Variants in PRPF19 observed in about 807,000 individuals in gnomAD.
PRPF19 encodes the protein pre-mRNA processing factor 19.
In PRPF19, 2 loss-of-function variants were observed where a neutral mutation model predicts 64.2. The ratio of observed to expected loss-of-function variants is 0.03; its 90% confidence interval spans 0.01 to 0.10. The LOEUF (loss-of-function observed/expected upper bound fraction) is 0.10. Among genes scored for constraint, PRPF19 ranks in the 10% least tolerant of loss-of-function variants. The probability of loss-of-function intolerance (pLI) is 1.00; values close to 1 mark genes in which losing one functional copy is unlikely to be tolerated. For missense variants in PRPF19, 314 were observed against 650.0 expected, an observed-to-expected ratio of 0.48 and a Z score of 5.62; for synonymous variants, 226 against 251.6, an observed-to-expected ratio of 0.90 and a Z score of 0.96.
chr11:60,894,962 A>C (rs113622615), intron 15 of PRPF19, among the ~76,000 whole-genome samples: 1 of 152,236 alleles, frequency 6.6e-6, no homozygotes, highest in Admixed American at 6.5e-5. Context: ...ACCATGCTGT[A>C]AACAGATGTG....
chr11:60,906,408 C>T lies in PRPF19; in HGVS notation c.-26G>A. ...GGCGCCGTCACCGTGCTCCGAGGCG[C>T]CACACGCCGGGCTCCGGGACTAGCT... On this transcript the variant is annotated 5_prime_UTR_variant, in exon 1 of 16. Coordinates refer to ENST00000227524, the MANE Select transcript of PRPF19 (RefSeq NM_014502.5). The T allele has an allele frequency of 1.3e-6, 2 of 1,562,108 alleles. No individual in the cohort carries two copies. Among genetic ancestry groups the T allele is most frequent in the Non-Finnish European group, 8.6e-7 (1 of 1,156,424 alleles).
At position 60,900,695 on chromosome 11, in the gene PRPF19, G is replaced by C; in HGVS notation, c.719-4C>G. On this transcript the variant is annotated splice_polypyrimidine_tract_variant and splice_region_variant and intron_variant, in intron 9 of 15. Coordinates refer to ENST00000227524, the MANE Select transcript of PRPF19 (RefSeq NM_014502.5). Reference sequence around the variant, plus strand: ...ACGACATTTTTATCCGCCCCACCTGGAGAAGACCCAAAAAGACCAAACAAT... The same window carrying C: ...ACGACATTTTTATCCGCCCCACCTGCAGAAGACCCAAAAAGACCAAACAAT... The C allele has an allele frequency of 2.6e-6, 4 of 1,559,666 alleles. No individual in the cohort carries two copies. The highest frequency in any genetic ancestry group is 1.2e-5 in the South Asian group (1 of 84,938).
At chr11:60,895,389 ACTTTT>A (rs1398694974) in intron 15 of PRPF19, among the ~76,000 whole-genome samples, 1 of 152,184 alleles carries the variant, frequency 6.6e-6, no homozygotes, top group Admixed American at 6.5e-5. Context: ...CTAGCTTCAA[ACTTTT>A]CTTTTGTAGC....
rs767765520 is a variant in PRPF19, at chr11:60,902,892, C to T, written c.247-11G>A. ...CAGCATGACTGCATCCTGGGAGAAG[C>T]AAATATCATTGTAAGGTGAGGTGGG... On this transcript the variant is annotated splice_polypyrimidine_tract_variant and intron_variant, in intron 3 of 15. Coordinates refer to ENST00000227524, the MANE Select transcript of PRPF19 (RefSeq NM_014502.5). This position sits in a 1 kb window ranked among gnomAD's most constrained non-coding sequence, Gnocchi z 5.0. The T allele has an allele frequency of 1.9e-6, 3 of 1,612,384 alleles. No homozygotes were observed. Among genetic ancestry groups the T allele is most frequent in the Admixed American group, 3.3e-5 (2 of 59,928 alleles).
At chr11:60,903,935 A>G (rs1856014378) in intron 1 of PRPF19, 74 bp from the exon 2 acceptor site, 1 of 1,544,790 alleles carries the variant, frequency 6.5e-7, no homozygotes. Flanking sequence ...ATCTGCTATT[A>G]GCCCCAACAA....
intron 15 of PRPF19, 172 bp downstream of exon 15, chr11:60,897,674 C>T (rs1395546699): frequency 1.7e-6 from 1 of 571,780 alleles, no homozygotes; most frequent in South Asian, 2.3e-5. Context: ...CTAGCATCTA[C>T]TGCCATGCAG....
At chr11:60,903,033 G>A (rs917545663) in intron 3 of PRPF19, 152 bp from the exon 4 acceptor site, 20 of 1,352,328 alleles carry the variant, frequency 1.5e-5, no homozygotes, top group South Asian at 8.5e-5. Flanking sequence ...CGAATGTGCC[G>A]GCAGACACTC....
chr11:60,902,947 C>T lies in PRPF19; in HGVS notation c.247-66G>A. 5 of 1,573,800 alleles carry T rather than the reference C, an allele frequency of 3.2e-6. No individual in the cohort carries two copies. The highest frequency in any genetic ancestry group is 4.3e-6 in the Non-Finnish European group (5 of 1,162,842). ...GCAGGGAGTACCCAGTGGAGTCAGCCCTTGGGGAGGGGATGCTGCCTCCTA... is the reference window on the plus strand; with the variant it reads ...GCAGGGAGTACCCAGTGGAGTCAGCTCTTGGGGAGGGGATGCTGCCTCCTA... On this transcript the variant is annotated intron_variant, in intron 3 of 15. Transcript: ENST00000227524. This position sits in a 1 kb window ranked among gnomAD's most constrained non-coding sequence, Gnocchi z 5.0.
At chr11:60,903,367 A>T in intron 3 of PRPF19, 92 bp downstream of exon 3, 1 of 1,327,410 alleles carries the variant, frequency 7.5e-7, no homozygotes, top group East Asian at 2.4e-5. Flanking sequence ...TTACCCTCTA[A>T]ATAATGCTCC....
rs1855990844 is a variant in PRPF19, at chr11:60,902,280, A to C, written c.525+123T>G. On this transcript the variant is annotated intron_variant, in intron 6 of 15. Coordinates refer to ENST00000227524, the MANE Select transcript of PRPF19 (RefSeq NM_014502.5). This position sits in a 1 kb window ranked among gnomAD's most constrained non-coding sequence, Gnocchi z 5.0. ...ATACAAACCCAGGCAATCTGGTCCCAGGGTCCATGCTCTGCACCACTCAAC... is the reference window on the plus strand; with the variant it reads ...ATACAAACCCAGGCAATCTGGTCCCCGGGTCCATGCTCTGCACCACTCAAC... 6 of 1,084,648 alleles carry C rather than the reference A, an allele frequency of 5.5e-6. No homozygotes were observed. The highest frequency in any genetic ancestry group is 8.1e-6 in the Non-Finnish European group (6 of 738,024). The allele number at this position is 1,084,648 out of a possible 1,614,324, so 67.2% of individuals were successfully genotyped here.
chr11:60,894,208 TC>T (rs1377858702), intron 15 of PRPF19, among the ~76,000 whole-genome samples: 3 of 152,224 alleles, frequency 2.0e-5, no homozygotes, highest in Admixed American at 6.5e-5. Flanking sequence ...ATTTGATTCT[TC>T]CTTTGACAAA....
At chr11:60,903,618 G>A in intron 2 of PRPF19, 83 bp from the exon 3 acceptor site, 1 of 1,587,762 alleles carries the variant, frequency 6.3e-7, no homozygotes, top group African/African-American at 1.3e-5. Context: ...GCCATAAACA[G>A]CCCACCATCT....
chr11:60,904,959 G>T (rs1856026784), intron 1 of PRPF19, among the ~76,000 whole-genome samples: 1 of 152,178 alleles, frequency 6.6e-6, no homozygotes, highest in South Asian at 2.1e-4. Flanking sequence ...AAGCTATTGA[G>T]TCTACCAGCT....
At chr11:60,900,349 T>C (rs1855969897) in intron 10 of PRPF19, among the ~76,000 whole-genome samples, 2 of 152,230 alleles carry the variant, frequency 1.3e-5, no homozygotes, top group African/African-American at 4.8e-5. Context: ...ATGAATATGC[T>C]TGTCAAACTA....
rs191613416 is a variant in PRPF19 at position 60,902,376 on chromosome 11, C to T, written c.525+27G>A. 8.1e-4 allele frequency: 1,302 copies of T among 1,606,540 alleles called. 10 individuals are homozygous for T. In the South Asian group the frequency reaches 0.011, roughly 14 times the overall value. ...GGTGAAAAGTAAGGGCCCATCAGCA[C>T]TCCCACCAGGTGAGAGCAGGACTTA... On this transcript the variant is annotated intron_variant, in intron 6 of 15. Coordinates refer to ENST00000227524, the MANE Select transcript of PRPF19 (RefSeq NM_014502.5). The surrounding 1 kb of genome is among the most constrained non-coding windows in gnomAD (Gnocchi z 5.0).
chr11:60,897,805 G>A, intron 15 of PRPF19, 41 bp downstream of exon 15: 1 of 1,559,048 alleles, frequency 6.4e-7, no homozygotes, highest in African/African-American at 1.4e-5. Flanking sequence ...TCCGGGCCTG[G>A]GCACCTAGAG....
intron 15 of PRPF19, among the ~76,000 whole-genome samples, chr11:60,892,664 T>G (rs1855875030): frequency 6.6e-6 from 1 of 152,198 alleles, no homozygotes; most frequent in Non-Finnish European, 1.5e-5. Flanking sequence ...TATGGTGGTT[T>G]GGCACGCTGA....
chr11:60,897,780 C>T, intron 15 of PRPF19, 66 bp downstream of exon 15: 1 of 1,369,988 alleles, frequency 7.3e-7, no homozygotes, highest in South Asian at 1.2e-5. Context: ...AATTCCTAAC[C>T]CAGTGAGGCT....
chr11:60,896,534 G>A (rs566076017), intron 15 of PRPF19, among the ~76,000 whole-genome samples: 2 of 152,314 alleles, frequency 1.3e-5, no homozygotes, highest in Admixed American at 6.5e-5. Flanking sequence ...GAGTTCTCAC[G>A]AGATCTGATG....
Sources: allele counts gnomAD v4.1 joint callset (sites outside exome capture counted in the v4.1 genomes callset), GRCh38; gene constraint gnomAD v4.1.1; non-coding constraint Gnocchi (gnomAD v3.1); transcripts MANE v1.5; gene names NCBI Gene and HGNC (gene_info 2026-07-23, HGNC 2026-07-21).